NOVA1: variants seen among roughly 807,000 people sequenced by gnomAD.
NOVA1 encodes the protein RNA-binding protein Nova-1.
In NOVA1, 7 loss-of-function variants were observed where a neutral mutation model predicts 38.0. The observed-to-expected ratio is 0.18, with a 90% confidence interval of 0.10 to 0.35. NOVA1 has a LOEUF of 0.35. Ranked by LOEUF, NOVA1 falls within the 10% of genes least tolerant of loss-of-function variation. The pLI, the probability that NOVA1 is intolerant of heterozygous loss-of-function variation, is 1.00. For synonymous variants in NOVA1, 270 were observed against 232.5 expected (o/e 1.16, Z -1.47); for missense variants, 460 against 616.0 (o/e 0.75, Z 2.68).
intron 2 of NOVA1, among the ~76,000 whole-genome samples, chr14:26,560,266 A>G (rs1051201633): frequency 1.3e-5 from 2 of 152,154 alleles, no homozygotes; most frequent in Non-Finnish European, 2.9e-5. Flanking sequence ...GATCTACCAC[A>G]AAGTTGTGGA....
chr14:26,472,302 G>A lies in NOVA1; in HGVS notation c.519+18C>T. 3.4e-6 allele frequency: 5 copies of A among 1,490,964 alleles called. No individual in the cohort carries two copies. Among genetic ancestry groups the A allele is most frequent in the Non-Finnish European group, 4.7e-6 (5 of 1,069,982 alleles). The allele number at this position is 1,490,964 out of a possible 1,614,324, so 92.4% of individuals were successfully genotyped here. A position where few individuals can be genotyped will look rare whatever the true frequency, so the allele number is the denominator to read the frequency against. ...CACCCGTGAAAAGTATGGTGTAGAT[G>A]ACAGGATGATACTGTACCTGATTAG... On this transcript the variant is annotated intron_variant, in intron 4 of 4. Transcript: ENST00000539517.
intron 2 of NOVA1, among the ~76,000 whole-genome samples, chr14:26,551,209 G>A (rs1891140629): frequency 6.6e-6 from 1 of 151,928 alleles, no homozygotes; most frequent in Non-Finnish European, 1.5e-5. Context: ...TGAACAAGCA[G>A]AATTAATCCT....
chr14:26,519,181 T>C (rs988144571), intron 2 of NOVA1: 56 of 134,514 alleles, frequency 4.2e-4, no homozygotes, highest in Non-Finnish European at 7.2e-4. Context: ...ATATAATGTA[T>C]AATTTTAGAA....
intron 2 of NOVA1, among the ~76,000 whole-genome samples, chr14:26,514,420 A>G (rs1050028286): frequency 1.3e-5 from 2 of 151,858 alleles, no homozygotes; most frequent in Non-Finnish European, 3.0e-5. Flanking sequence ...TCATATAATT[A>G]TAACAAAGTG....
intron 2 of NOVA1, among the ~76,000 whole-genome samples, chr14:26,585,175 C>A (rs1307825232): frequency 1.3e-5 from 2 of 151,346 alleles, no homozygotes; most frequent in Non-Finnish European, 3.0e-5. Context: ...GAAAAACACT[C>A]TTATTTCATG....
intron 2 of NOVA1, among the ~76,000 whole-genome samples, chr14:26,507,957 C>T (rs1181354322): frequency 6.6e-6 from 1 of 151,824 alleles, no homozygotes; most frequent in Non-Finnish European, 1.5e-5. Context: ...CTAAACAAGA[C>T]CATAAGAGTT....
At chr14:26,573,479 T>C (rs773208463) in intron 2 of NOVA1, among the ~76,000 whole-genome samples, 5 of 152,006 alleles carry the variant, frequency 3.3e-5, no homozygotes, top group Non-Finnish European at 7.4e-5. Context: ...CTGAACATAT[T>C]ATAAAGCCAA....
chr14:26,558,185 T>C (rs1417424629), intron 2 of NOVA1, among the ~76,000 whole-genome samples: 3 of 151,964 alleles, frequency 2.0e-5, no homozygotes, highest in African/African-American at 4.8e-5. Context: ...TATATATATA[T>C]ATATGAAAAC....
At chr14:26,575,386 T>C (rs1658529003) in intron 2 of NOVA1, among the ~76,000 whole-genome samples, 1 of 152,164 alleles carries the variant, frequency 6.6e-6, no homozygotes, top group Admixed American at 6.5e-5. Context: ...AGAAAGCTTT[T>C]AGCAAACCCA....
intron 2 of NOVA1, among the ~76,000 whole-genome samples, chr14:26,500,048 A>G (rs1352931247): frequency 6.6e-6 from 1 of 151,764 alleles, no homozygotes; most frequent in Non-Finnish European, 1.5e-5. Flanking sequence ...TACCTCGCTA[A>G]CTCCCATTTA....
chr14:26,456,264 G>A (rs1464667052), intron 4 of NOVA1, among the ~76,000 whole-genome samples: 1 of 151,894 alleles, frequency 6.6e-6, no homozygotes, highest in African/African-American at 2.4e-5. Flanking sequence ...GGTGGAAAAG[G>A]GGTGAAAGAT....
At chr14:26,517,927 A>G (rs1594449599) in intron 2 of NOVA1, among the ~76,000 whole-genome samples, 1 of 152,138 alleles carries the variant, frequency 6.6e-6, no homozygotes, top group African/African-American at 2.4e-5. Flanking sequence ...TTGTTGGAAG[A>G]AGTATACAAA....
intron 2 of NOVA1, among the ~76,000 whole-genome samples, chr14:26,510,079 T>C (rs568794342): frequency 4.6e-5 from 7 of 150,990 alleles, no homozygotes; most frequent in East Asian, 3.9e-4. Flanking sequence ...AGGAAAAATA[T>C]TGGAGAAATG....
chr14:26,552,371 AT>A (rs1203386466), intron 2 of NOVA1, among the ~76,000 whole-genome samples: 5 of 152,196 alleles, frequency 3.3e-5, no homozygotes, highest in Admixed American at 2.6e-4. Context: ...TTATAAAAAA[AT>A]AATTCTAACA....
rs1411549058 is a variant in NOVA1, at chr14:26,446,458, C to G, written c.*1501G>C. ...ATGCCATTTAGCTTGCTAGGATGGA[C>G]GTAATCAATGGGTTGAAGTTGAGAT... On this transcript the variant is annotated 3_prime_UTR_variant, in exon 5 of 5. Coordinates refer to ENST00000539517, the MANE Select transcript of NOVA1 (RefSeq NM_002515.3). The G allele has an allele frequency of 2.6e-5, 4 of 152,714 alleles. No individual in the cohort carries two copies. The East Asian group carries it at 7.7e-4, about 29-fold the overall frequency. The allele number at this position is 152,714 out of a possible 1,614,324, so 9.5% of individuals were successfully genotyped here. A position where few individuals can be genotyped will look rare whatever the true frequency, so the allele number is the denominator to read the frequency against.
At chr14:26,484,457 A>C (rs178210) in intron 2 of NOVA1, among the ~76,000 whole-genome samples, 75,297 of 102,446 alleles carry the variant, frequency 0.73, 26,258 homozygotes, top group East Asian at 0.82. Flanking sequence ...AAAAAAAAAA[A>C]AAAAAGAAAT....
At chr14:26,527,435 T>G (rs2138532845) in intron 2 of NOVA1, among the ~76,000 whole-genome samples, 1 of 152,118 alleles carries the variant, frequency 6.6e-6, no homozygotes, top group Admixed American at 6.5e-5. Context: ...CACAGTCACC[T>G]GAATACATCA....
At chr14:26,568,806 C>T (rs1451390128) in intron 2 of NOVA1, among the ~76,000 whole-genome samples, 1 of 152,146 alleles carries the variant, frequency 6.6e-6, no homozygotes, top group Non-Finnish European at 1.5e-5. Context: ...CTTTAACCAG[C>T]TATGCTGTCA....
At chr14:26,480,249 C>G (rs1240722417) in intron 2 of NOVA1, 106 bp from the exon 3 acceptor site, 11 of 899,546 alleles carry the variant, frequency 1.2e-5, no homozygotes, top group African/African-American at 5.0e-5. Context: ...ATGCAGAACT[C>G]TAACGTAAAA....
Sources: allele counts gnomAD v4.1 joint callset (sites outside exome capture counted in the v4.1 genomes callset), GRCh38; gene constraint gnomAD v4.1.1; transcripts MANE v1.5; gene names NCBI Gene and HGNC (gene_info 2026-07-23, HGNC 2026-07-21).